Variants in TRIM28 observed in about 807,000 individuals in gnomAD.
The protein encoded by TRIM28 is tripartite motif containing 28, also known as transcription intermediary factor 1-beta.
A neutral mutation model predicts 87.4 loss-of-function variants in TRIM28; 8 were observed. The ratio of observed to expected loss-of-function variants is 0.09; its 90% CI spans 0.05 to 0.17. The LOEUF is 0.17. Among genes scored for constraint, TRIM28 ranks in the 10% least tolerant of loss-of-function variants. The pLI is 1.00. For synonymous variants in TRIM28, 601 were observed against 454.3 expected (o/e 1.32, Z -4.11); for missense variants, 968 against 1,131.8 (o/e 0.86, Z 2.08).
At position 58,549,300 on chromosome 19, in the gene TRIM28, C is replaced by T. The variant is rs1302291650; in HGVS notation, c.1663-31C>T. ...GAAGCCTGTAGTCCAGGTCTGGACC[C>T]TGTTGAACACCCCTCATCACCACCT... On this transcript the variant is annotated intron_variant, in intron 12 of 16. Coordinates refer to ENST00000253024, the MANE Select transcript of TRIM28 (RefSeq NM_005762.3). This position sits in a 1 kb window ranked among gnomAD's most constrained non-coding sequence, Gnocchi z 4.4. The T allele has an allele frequency of 6.3e-7, 1 of 1,578,526 alleles. No homozygotes were observed. Among genetic ancestry groups the T allele is most frequent in the Non-Finnish European group, 8.6e-7 (1 of 1,159,016 alleles).
chr19:58,550,416 T>C lies in TRIM28; in HGVS notation c.2371T>C (p.Phe791Leu), dbSNP rs201905500. The change falls in exon 17 of 17, where the codon TTC becomes CTC. Residue 791 changes from phenylalanine to leucine, a missense_variant. Physicochemically the swap from Phe to Leu is conservative, Grantham distance 22 (BLOSUM62 0). Around this residue, in one of 11 missense-constraint regions of TRIM28, gnomAD observed 192 missense variants for 225.6 expected, o/e 0.85. Coordinates refer to ENST00000253024, the MANE Select transcript of TRIM28 (RefSeq NM_005762.3). ...DVQSIIGLQRFFETRMNEAFG... is the reference protein window; with the variant it reads ...DVQSIIGLQRLFETRMNEAFG... ...GCAGTCCATCATCGGCCTGCAGCGC[T>C]TCTTCGAGACGCGCATGAACGAGGC... 2.5e-6 allele frequency: 4 copies of C among 1,613,938 alleles called. No homozygotes were observed. The highest frequency in any genetic ancestry group is 3.4e-6 in the Non-Finnish European group (4 of 1,180,006).
rs929977929 is a variant in TRIM28 at position 58,545,700 on chromosome 19, C to T, written c.454-64C>T. ...AATCTTAAATCTCCGGTTGTATTTTCTGGGATGTAAACGTGGATCTATCAA... is the reference window on the plus strand; with the variant it reads ...AATCTTAAATCTCCGGTTGTATTTTTTGGGATGTAAACGTGGATCTATCAA... On this transcript the variant is annotated intron_variant, in intron 2 of 16. Transcript: ENST00000253024. The T allele has an allele frequency of 1.2e-5, 19 of 1,575,090 alleles. No individual in the cohort carries two copies. In the Admixed American group the frequency reaches 1.7e-4, roughly 14 times the overall value.
intron 9 of TRIM28, 26 bp from the exon 10 acceptor site, chr19:58,548,714 G>A: frequency 6.2e-7 from 1 of 1,613,006 alleles, no homozygotes; most frequent in Non-Finnish European, 8.5e-7. Flanking sequence ...GTCCCACTGA[G>A]GCAGAGGGTT....
rs2053745336 is a variant in TRIM28, at chr19:58,544,826, C to T, written c.69C>T (p.Gly23=). 1 of 1,267,970 alleles carries T rather than the reference C, an allele frequency of 7.9e-7. No individual in the cohort carries two copies. Among genetic ancestry groups the T allele is most frequent in the East Asian group, 3.3e-5 (1 of 30,236 alleles). The allele number at this position is 1,267,970 out of a possible 1,614,324, so 78.5% of individuals were successfully genotyped here. The stretch of plus-strand genomic sequence containing the variant: ...CCGCCTCTGGCAGCCCGGGCCCGGG[C>T]GAGGGCTCCGCTGGCGGCGAAAAGC... ...ASAASGSPGP[G]EGSAGGEKRS... is the part of the protein sequence containing the mutation. Residue 23 remains glycine (G), a synonymous_variant, in exon 1 of 17, where the codon GGC becomes GGT. Coordinates refer to ENST00000253024, the MANE Select transcript of TRIM28 (RefSeq NM_005762.3).
At position 58,548,892 on chromosome 19, in the gene TRIM28, A is replaced by G. The variant is rs2053786523; in HGVS notation, c.1391A>G (p.His464Arg). 6.2e-7 allele frequency: 1 copy of G among 1,613,936 alleles called. No individual in the cohort carries two copies. The highest frequency in any genetic ancestry group is 1.1e-5 in the South Asian group (1 of 91,086). The part of the protein sequence containing the change: ...GDDPYSSAEP[H>R]VSGVKRSRSG... ...GATCCCTACTCAAGTGCAGAGCCCCATGTGTCAGGTGTGAAACGGTAAGTA... is the reference window on the plus strand; with the variant it reads ...GATCCCTACTCAAGTGCAGAGCCCCGTGTGTCAGGTGTGAAACGGTAAGTA... The change falls in exon 11 of 17, where the codon CAT (histidine) becomes CGT (arginine). Residue 464 changes from histidine to arginine, a missense_variant. This residue lies in a region of TRIM28 where 119 missense variants were observed against 93.6 expected (regional missense o/e 1.27). Coordinates refer to ENST00000253024, the MANE Select transcript of TRIM28 (RefSeq NM_005762.3).
intron 6 of TRIM28, 52 bp downstream of exon 6, chr19:58,547,958 G>GATGC (rs753280654): frequency 1.2e-6 from 2 of 1,613,674 alleles, no homozygotes; most frequent in East Asian, 2.2e-5. Flanking sequence ...GCTGATTGAT[G>GATGC]ATGCTGTCTG....
At chr19:58,548,831 A>G in intron 10 of TRIM28, 31 bp from the exon 11 acceptor site, 2 of 1,613,622 alleles carry the variant, frequency 1.2e-6, no homozygotes, top group Non-Finnish European at 1.7e-6. Flanking sequence ...TTCTACCCCA[A>G]CCTGCCAGTC....
chr19:58,547,105 T>A (rs1177412751), intron 3 of TRIM28: 4 of 414,974 alleles, frequency 9.6e-6, no homozygotes, highest in Admixed American at 8.1e-5. Flanking sequence ...GTCCTCTTTT[T>A]CTAGACGCTG....
chr19:58,546,428 G>C (rs1171494753), intron 3 of TRIM28, among the ~76,000 whole-genome samples: 1 of 152,234 alleles, frequency 6.6e-6, no homozygotes, highest in Non-Finnish European at 1.5e-5. Context: ...GAAGGAGCTT[G>C]AGAGTCTTTT....
intron 9 of TRIM28, 53 bp downstream of exon 9, chr19:58,548,645 G>C: frequency 7.2e-7 from 1 of 1,395,080 alleles, no homozygotes; most frequent in Admixed American, 1.8e-5. Context: ...GGGTCCAGTA[G>C]CAGGAGAGAG....
At chr19:58,547,220 G>C (rs191471507) in intron 3 of TRIM28, 156 bp from the exon 4 acceptor site, 78 of 854,624 alleles carry the variant, frequency 9.1e-5, no homozygotes, top group African/African-American at 7.5e-4. Flanking sequence ...AGTTGGGCTT[G>C]CAGGCCTGTG....
chr19:58,550,600 T>C lies in TRIM28; in HGVS notation c.*47T>C. 1 of 1,565,354 alleles carries C rather than the reference T, an allele frequency of 6.4e-7. No individual in the cohort carries two copies. The highest frequency in any genetic ancestry group is 8.6e-7 in the Non-Finnish European group (1 of 1,156,884). On this transcript the variant is annotated 3_prime_UTR_variant, in exon 17 of 17. Transcript: ENST00000253024. ...CCCAGCCTGGCTCTGTTCTCTGTCC[T>C]GTCACCCCATCCCCACTCCCCTGGT...
intron 3 of TRIM28, among the ~76,000 whole-genome samples, chr19:58,546,870 C>G (rs933900709): frequency 7.2e-5 from 11 of 152,138 alleles, no homozygotes; most frequent in African/African-American, 1.9e-4. Flanking sequence ...CATTTCATCT[C>G]TCCCAGTATG....
intron 3 of TRIM28, among the ~76,000 whole-genome samples, chr19:58,546,537 A>G (rs2053762665): frequency 6.6e-6 from 1 of 152,136 alleles, no homozygotes; most frequent in African/African-American, 2.4e-5. Flanking sequence ...TTGGTGGAAG[A>G]TAGCGGGAAG....
chr19:58,549,822 A>G lies in TRIM28; in HGVS notation c.2068A>G (p.Thr690Ala). The change falls in exon 14 of 17, where the codon ACT becomes GCT. Residue 690 changes from threonine to alanine, a missense_variant. By Grantham distance (58) the Thr-to-Ala change is moderately conservative. Transcript: ENST00000253024. The surrounding 1 kb of genome is among the most constrained non-coding windows in gnomAD (Gnocchi z 4.4). ...CCTCAGCCTGGATGGTGCAGACAGC[A>G]CTGGCGTGGTGGCCAAGCTCTCACC... ...GSLSLDGADS[T>A]GVVAKLSPAN... 1.2e-6 allele frequency: 2 copies of G among 1,612,874 alleles called. No individual in the cohort carries two copies. The highest frequency in any genetic ancestry group is 2.2e-5 in the East Asian group (1 of 44,842).
rs1160897682 is a variant in TRIM28, at chr19:58,549,459, C to T, written c.1791C>T (p.Gly597=). 7.4e-6 allele frequency: 12 copies of T among 1,611,840 alleles called. No individual in the cohort carries two copies. The East Asian group carries it at 2.0e-4, about 27-fold the overall frequency. Residue 597 remains glycine, a synonymous_variant, in exon 13 of 17, where the codon GGC becomes GGT. Coordinates refer to ENST00000253024, the MANE Select transcript of TRIM28 (RefSeq NM_005762.3). The surrounding 1 kb of genome is among the most constrained non-coding windows in gnomAD (Gnocchi z 4.4). ...GTCCCCGCCTGGCCTCACCTAGTGG[C>T]AGCACCAGCTCAGGGCTGGAGGTGG... The part of the protein sequence containing the change: ...AEGPRLASPS[G]STSSGLEVVA...
Position 58,548,595 on chromosome 19 carries a change from G to A in TRIM28, c.1323+3G>A, listed in dbSNP as rs2053782776. ...AGCAGGGCTCTGGCAGCAGCCAGGTGAGCAGGAGAGAGGACCCAGGAAGGG... is the reference window on the plus strand; with the variant it reads ...AGCAGGGCTCTGGCAGCAGCCAGGTAAGCAGGAGAGAGGACCCAGGAAGGG... On this transcript the variant is annotated splice_donor_region_variant and intron_variant, in intron 9 of 16. Coordinates refer to ENST00000253024, the MANE Select transcript of TRIM28 (RefSeq NM_005762.3). 10 of 1,611,796 alleles carry A rather than the reference G, an allele frequency of 6.2e-6. No homozygotes were observed. Among genetic ancestry groups the A allele is most frequent in the Non-Finnish European group, 8.5e-6 (10 of 1,179,136 alleles).
Position 58,544,995 on chromosome 19 carries a change from C to T in TRIM28, c.238C>T (p.Leu80=), listed in dbSNP as rs765071136. The part of the protein sequence containing the change: ...ERLRPEREPR[L]LPCLHSACSA... The stretch of plus-strand genomic sequence containing the variant: ...CCTGCGACCCGAGAGGGAGCCCCGC[C>T]TGCTGCCCTGTTTGCACTCGGCCTG... The change falls in exon 1 of 17, where the codon CTG becomes TTG. Residue 80 remains leucine (L), a synonymous_variant. Coordinates refer to ENST00000253024, the MANE Select transcript of TRIM28 (RefSeq NM_005762.3). 2.0e-6 allele frequency: 3 copies of T among 1,515,422 alleles called. No homozygotes were observed. Among genetic ancestry groups the T allele is most frequent in the South Asian group, 1.2e-5 (1 of 82,034 alleles). The allele number at this position is 1,515,422 out of a possible 1,614,324, so 93.9% of individuals were successfully genotyped here.
Position 58,545,554 on chromosome 19 carries a change from C to T in TRIM28, c.453+17C>T. ...GCGAACCAGGTGCGTCCTATCTCAG[C>T]AACCACAAGGAGGTTTCTGGGGAGG... On this transcript the variant is annotated intron_variant, in intron 2 of 16. Transcript: ENST00000253024. 6.3e-7 allele frequency: 1 copy of T among 1,590,628 alleles called. No individual in the cohort carries two copies. The highest frequency in any genetic ancestry group is 8.6e-7 in the Non-Finnish European group (1 of 1,160,854).
Sources: allele counts gnomAD v4.1 joint callset (sites outside exome capture counted in the v4.1 genomes callset), GRCh38; gene constraint gnomAD v4.1.1; regional missense constraint gnomAD v4.1.1; non-coding constraint Gnocchi (gnomAD v3.1); transcripts MANE v1.5; gene names NCBI Gene and HGNC (gene_info 2026-07-23, HGNC 2026-07-21).